The following CADPS2 variants were observed in gnomAD, a reference collection of about 807,000 sequenced individuals.
The protein encoded by CADPS2 is calcium dependent secretion activator 2, also known as calcium-dependent secretion activator 2.
A neutral mutation model predicts 172.5 loss-of-function variants in CADPS2; 93 were observed. That is an observed-to-expected ratio of 0.54 (90% CI 0.46 to 0.64). The LOEUF (loss-of-function observed/expected upper bound fraction) is 0.64, where lower values mean the gene tolerates loss of function less well. Among genes scored for constraint, CADPS2 ranks in the 30% least tolerant of loss-of-function variants. The pLI is 0.00. For missense variants in CADPS2, 1,420 were observed against 1,565.9 expected (o/e 0.91, Z 1.57); for synonymous variants, 546 against 555.2 (o/e 0.98, Z 0.23).
At chr7:122,479,913 TATTA>T (rs1443276883) in intron 12 of CADPS2, among the ~76,000 whole-genome samples, 2 of 152,204 alleles carry the variant, frequency 1.3e-5, no homozygotes, top group Non-Finnish European at 2.9e-5. Flanking sequence ...TCATTTTTGA[TATTA>T]ATTTATTATT....
At chr7:122,722,482 C>A (rs2090548027) in intron 2 of CADPS2, among the ~76,000 whole-genome samples, 1 of 151,580 alleles carries the variant, frequency 6.6e-6, no homozygotes, top group East Asian at 1.9e-4. Context: ...ATCCAACTTA[C>A]AAGGGATGTG....
intron 9 of CADPS2, among the ~76,000 whole-genome samples, chr7:122,511,444 C>A (rs1290748470): frequency 6.6e-6 from 1 of 152,050 alleles, no homozygotes; most frequent in Non-Finnish European, 1.5e-5. Flanking sequence ...TAAGACTGAT[C>A]TACAAAAGCC....
intron 7 of CADPS2, among the ~76,000 whole-genome samples, chr7:122,573,580 A>G (rs997336202): frequency 1.3e-5 from 2 of 152,112 alleles, no homozygotes; most frequent in African/African-American, 4.8e-5. Flanking sequence ...CTCTTTTTCT[A>G]ACAACTGTCA....
intron 1 of CADPS2, among the ~76,000 whole-genome samples, chr7:122,787,025 G>A (rs372706155): frequency 6.6e-6 from 1 of 152,088 alleles, no homozygotes; most frequent in Non-Finnish European, 1.5e-5. Context: ...AACGAACCTT[G>A]TAACAGTATG....
chr7:122,702,447 G>C (rs1489870197), intron 2 of CADPS2: 2 of 1,613,684 alleles, frequency 1.2e-6, no homozygotes, highest in Non-Finnish European at 1.7e-6. Context: ...ATGAGGGCCA[G>C]CCATGAGTCT....
chr7:122,603,692 C>T (rs966993624), intron 6 of CADPS2, among the ~76,000 whole-genome samples: 3 of 152,094 alleles, frequency 2.0e-5, no homozygotes, highest in African/African-American at 4.8e-5. Flanking sequence ...AGGATTTATA[C>T]TCTGCAATGT....
chr7:122,629,153 C>CTT, intron 4 of CADPS2, 95 bp downstream of exon 4: 14 of 788,308 alleles, frequency 1.8e-5, no homozygotes, highest in South Asian at 4.4e-5. Flanking sequence ...TATGCTGGCT[C>CTT]TTTTTTTTTT....
chr7:122,507,704 C>G (rs1028459328), intron 9 of CADPS2, among the ~76,000 whole-genome samples: 16 of 152,092 alleles, frequency 1.1e-4, no homozygotes. Flanking sequence ...TGTGAAGAAC[C>G]TATTGTTAAG....
chr7:122,344,188 G>A (rs1395012682), intron 28 of CADPS2, among the ~76,000 whole-genome samples: 1 of 152,178 alleles, frequency 6.6e-6, no homozygotes, highest in African/African-American at 2.4e-5. Flanking sequence ...CCCGTGAATT[G>A]CTGTTACGAA....
chr7:122,403,342 C>T (rs2046197530), intron 20 of CADPS2, among the ~76,000 whole-genome samples: 1 of 152,154 alleles, frequency 6.6e-6, no homozygotes, highest in Admixed American at 6.5e-5. Flanking sequence ...GTTTACCTCT[C>T]TACATGGGGG....
At chr7:122,678,988 G>A (rs1224464076) in intron 2 of CADPS2, among the ~76,000 whole-genome samples, 1 of 152,114 alleles carries the variant, frequency 6.6e-6, no homozygotes, top group Admixed American at 6.5e-5. Flanking sequence ...AGTTGAGGAT[G>A]TATGTTGCCC....
intron 11 of CADPS2, 44 bp downstream of exon 11, chr7:122,490,037 A>G (rs367561271): frequency 1.3e-6 from 2 of 1,518,220 alleles, no homozygotes; most frequent in Non-Finnish European, 1.8e-6. Flanking sequence ...ATATCTTATT[A>G]AGGCTATTAA....
At chr7:122,386,108 T>A (rs2043631417) in intron 24 of CADPS2, among the ~76,000 whole-genome samples, 1 of 152,062 alleles carries the variant, frequency 6.6e-6, no homozygotes, top group Non-Finnish European at 1.5e-5. Context: ...ATTTAGTGTT[T>A]TCATGAATCT....
At chr7:122,745,372 C>T (rs961239238) in intron 1 of CADPS2, among the ~76,000 whole-genome samples, 1 of 151,696 alleles carries the variant, frequency 6.6e-6, no homozygotes, top group African/African-American at 2.4e-5. Context: ...TACTTAACCT[C>T]GCATCTAGTA....
chr7:122,854,516 T>C (rs1357549492), intron 1 of CADPS2, among the ~76,000 whole-genome samples: 1 of 152,198 alleles, frequency 6.6e-6, no homozygotes, highest in Non-Finnish European at 1.5e-5. Context: ...AAAGACACCA[T>C]CCTAATTTAC....
chr7:122,647,150 A>C (rs544970454), intron 3 of CADPS2, among the ~76,000 whole-genome samples: 11 of 152,152 alleles, frequency 7.2e-5, no homozygotes, highest in African/African-American at 2.7e-4. Context: ...CTACCTAAAA[A>C]AGGTGGATAG....
At chr7:122,468,729 A>G (rs2055498836) in intron 14 of CADPS2, among the ~76,000 whole-genome samples, 1 of 152,048 alleles carries the variant, frequency 6.6e-6, no homozygotes, top group South Asian at 2.1e-4. Context: ...GATTCAAGTG[A>G]AGATCTTTTG....
intron 8 of CADPS2, among the ~76,000 whole-genome samples, chr7:122,525,233 T>A (rs1472109635): frequency 2.0e-5 from 3 of 152,206 alleles, no homozygotes; most frequent in African/African-American, 7.2e-5. Flanking sequence ...CTTCTTCTAG[T>A]ATGTTGCTCT....
rs192419960 is a variant in CADPS2 at position 122,701,382 on chromosome 7, T to G, written c.453+35573A>C. On this transcript the variant is annotated intron_variant, in intron 2 of 29. Transcript: ENST00000449022. ...GCATGTTCTCACTCATAGGTGGGAA[T>G]TGAACAATGAGAACACATGGACACA... 4.4e-3 allele frequency among the ~76,000 whole-genome samples: 668 copies of G among 152,084 alleles called. 14 individuals carry two copies. The highest frequency in any genetic ancestry group is 0.031 in the Admixed American group (473 of 15,262).
Sources: allele counts gnomAD v4.1 joint callset (sites outside exome capture counted in the v4.1 genomes callset), GRCh38; gene constraint gnomAD v4.1.1; transcripts MANE v1.5; gene names NCBI Gene and HGNC (gene_info 2026-07-23, HGNC 2026-07-21).